The following MAN1A2 variants were observed in gnomAD, a reference collection of about 807,000 sequenced individuals.
MAN1A2 encodes mannosyl-oligosaccharide 1,2-alpha-mannosidase IB.
In MAN1A2, 26 loss-of-function variants were observed where a neutral mutation model predicts 75.7. The observed-to-expected ratio is 0.34, with a 90% CI of 0.25 to 0.48. MAN1A2 has a LOEUF of 0.48. Ranked by LOEUF, MAN1A2 falls within the 20% of genes least tolerant of loss-of-function variation. The pLI is 0.99. For missense variants in MAN1A2, 562 were observed against 775.5 expected (o/e 0.72, Z 3.27); for synonymous variants, 247 against 264.6 (o/e 0.93, Z 0.65).
In MAN1A2 at chr1:117,416,919, GTC is replaced by G. The variant is rs1444676355; in HGVS notation, c.774+2090_774+2091del. 6.6e-5 allele frequency among the ~76,000 whole-genome samples: 10 copies of G among 152,256 alleles called. No individual in the cohort carries two copies. In the East Asian group the frequency reaches 1.9e-3, roughly 29 times the overall value. On this transcript the variant is annotated intron_variant, in intron 4 of 12. Transcript: ENST00000356554. ...CATGAGGCTGATTTGGGGATTGTGT[GTC>G]TGTATGTGTGATAAGGGAACAGTAC...
chr1:117,489,191 A>G (rs530597022), intron 8 of MAN1A2, among the ~76,000 whole-genome samples: 1 of 152,178 alleles, frequency 6.6e-6, no homozygotes, highest in South Asian at 2.1e-4. Context: ...TATTAATGAA[A>G]ATAATTCTGA....
intron 6 of MAN1A2, 114 bp downstream of exon 6, chr1:117,442,439 T>C (rs184116489): frequency 7.8e-6 from 5 of 638,678 alleles, no homozygotes; most frequent in Admixed American, 2.7e-5. Flanking sequence ...TTTTTCTCTC[T>C]ATATATAATC....
chr1:117,473,102 T>C (rs1650212166), intron 8 of MAN1A2, among the ~76,000 whole-genome samples: 1 of 152,054 alleles, frequency 6.6e-6, no homozygotes. Flanking sequence ...AAATATCTTA[T>C]AGATACCTGA....
intron 7 of MAN1A2, 40 bp from the exon 8 acceptor site, chr1:117,466,294 T>C: frequency 1.5e-6 from 2 of 1,340,550 alleles, no homozygotes; most frequent in Non-Finnish European, 2.1e-6. Context: ...TTGATGACAC[T>C]TATTTTTATT....
chr1:117,480,110 G>T (rs554847991), intron 8 of MAN1A2, among the ~76,000 whole-genome samples: 1 of 151,924 alleles, frequency 6.6e-6, no homozygotes, highest in South Asian at 2.1e-4. Flanking sequence ...TCTTTCCATT[G>T]TCTCAGTTAG....
intron 7 of MAN1A2, among the ~76,000 whole-genome samples, chr1:117,462,371 A>G (rs1453472516): frequency 6.6e-6 from 1 of 152,188 alleles, no homozygotes. Flanking sequence ...ATATGATACA[A>G]TTTTTATAAA....
At chr1:117,387,216 TAAAAA>T (rs565416366) in intron 1 of MAN1A2, among the ~76,000 whole-genome samples, 2 of 125,544 alleles carry the variant, frequency 1.6e-5, no homozygotes, top group African/African-American at 2.9e-5. Flanking sequence ...ATGGCTGTTG[TAAAAA>T]AAAAAAAAAA....
intron 8 of MAN1A2, among the ~76,000 whole-genome samples, chr1:117,489,628 G>T (rs895914919): frequency 6.6e-6 from 1 of 151,842 alleles, no homozygotes; most frequent in East Asian, 1.9e-4. Flanking sequence ...TAGCTTTAAC[G>T]TACGAAGCTA....
intron 1 of MAN1A2, among the ~76,000 whole-genome samples, chr1:117,386,144 T>C (rs1009065946): frequency 6.6e-6 from 1 of 152,226 alleles, no homozygotes; most frequent in East Asian, 1.9e-4. Context: ...AATTCCTGAA[T>C]GTTTTGGCAG....
At chr1:117,512,875 A>G (rs1282221323) in intron 12 of MAN1A2, among the ~76,000 whole-genome samples, 2 of 151,938 alleles carry the variant, frequency 1.3e-5, no homozygotes, top group African/African-American at 4.8e-5. Context: ...ATGCTTGCCA[A>G]TTTCTTTTGC....
At chr1:117,432,583 A>T (rs1368600825) in intron 5 of MAN1A2, among the ~76,000 whole-genome samples, 1 of 152,220 alleles carries the variant, frequency 6.6e-6, no homozygotes, top group East Asian at 1.9e-4. Context: ...GTAAAGCAAG[A>T]AGTATGCCAT....
chr1:117,381,834 C>A (rs991854334), intron 1 of MAN1A2, among the ~76,000 whole-genome samples: 8 of 152,022 alleles, frequency 5.3e-5, no homozygotes, highest in Non-Finnish European at 8.8e-5. Flanking sequence ...TCTCCACATC[C>A]TTTCCAGCAC....
chr1:117,406,847 T>G (rs948624365), intron 3 of MAN1A2, among the ~76,000 whole-genome samples: 4 of 152,124 alleles, frequency 2.6e-5, no homozygotes, highest in Admixed American at 1.3e-4. Flanking sequence ...TATTTTTATG[T>G]TAAACTCAAC....
chr1:117,521,208 A>G (rs931147764), intron 12 of MAN1A2, among the ~76,000 whole-genome samples: 1 of 152,112 alleles, frequency 6.6e-6, no homozygotes, highest in Admixed American at 6.6e-5. Flanking sequence ...TAAAAATTCT[A>G]GAAGATAACA....
chr1:117,390,378 A>G (rs565220581), intron 1 of MAN1A2, among the ~76,000 whole-genome samples: 1 of 151,986 alleles, frequency 6.6e-6, no homozygotes, highest in Admixed American at 6.6e-5. Flanking sequence ...TTAAACAAGG[A>G]ATGTAAATTA....
Position 117,406,946 on chromosome 1 carries a change from A to G in MAN1A2, c.655+1301A>G, listed in dbSNP as rs1388594392. On this transcript the variant is annotated intron_variant, in intron 3 of 12. Coordinates refer to ENST00000356554, the MANE Select transcript of MAN1A2 (RefSeq NM_006699.5). ...GTCAATTTTTTACTTTTTTCAAACG[A>G]TATTTCTCAGAACATCTAATGTATT... is the stretch of plus-strand genomic sequence containing the variant. Among the ~76,000 whole-genome samples, 6 of 152,236 alleles carry G rather than the reference A, an allele frequency of 3.9e-5. No homozygotes were observed. The East Asian group carries it at 7.7e-4, about 20-fold the overall frequency.
chr1:117,430,202 CGGGGGGCTGA>C, intron 5 of MAN1A2, among the ~76,000 whole-genome samples: 2 of 75,714 alleles, frequency 2.6e-5, no homozygotes, highest in Non-Finnish European at 5.7e-5. Context: ...GCTGGCCGGG[CGGGGGGCTGA>C]CCCCCCCACC....
In MAN1A2 at chr1:117,514,701, A is replaced by C. The variant is rs192562470; in HGVS notation, c.1794-8124A>C. 1.2e-3 allele frequency: 463 copies of C among 400,830 alleles called. 2 individuals carry two copies. Among genetic ancestry groups the C allele is most frequent in the African/African-American group, 7.9e-3 (384 of 48,468 alleles). The allele number at this position is 400,830 out of a possible 1,614,324, so 24.8% of individuals were successfully genotyped here. A position where few individuals can be genotyped will look rare whatever the true frequency, so the allele number is the denominator to read the frequency against. On this transcript the variant is annotated intron_variant, in intron 12 of 12. Transcript: ENST00000356554. ...TTAAATTTCTGAGCACAAGTGACTA[A>C]GTAATATATTTTGGAGAGAGAGAAT...
In MAN1A2 at chr1:117,368,192, C is replaced by T. The variant is rs769090561; in HGVS notation, c.9C>T (p.Thr3=). MT[T]PALLPLSGRR... ...CTCCAAGAGCGTAAACGATGACTAC[C>T]CCAGCCCTGCTGCCCCTCTCTGGAC... Residue 3 remains threonine (T), a synonymous_variant, in exon 1 of 13, where the codon ACC becomes ACT. Coordinates refer to ENST00000356554, the MANE Select transcript of MAN1A2 (RefSeq NM_006699.5). 3 of 1,611,840 alleles carry T rather than the reference C, an allele frequency of 1.9e-6. No individual in the cohort carries two copies. The highest frequency in any genetic ancestry group is 2.2e-5 in the South Asian group (2 of 90,802).
Sources: gnomAD v4.1 joint callset for allele counts (sites outside exome capture counted in the v4.1 genomes callset) on GRCh38, gnomAD v4.1.1 for gene constraint, MANE v1.5 for transcripts, NCBI Gene and HGNC (gene_info 2026-07-23, HGNC 2026-07-21) for gene names.